The following PBX3 variants were observed in gnomAD, a reference collection of about 807,000 sequenced individuals.
The protein encoded by PBX3 is pre-B-cell leukemia transcription factor 3.
A neutral mutation model predicts 48.5 loss-of-function variants in PBX3; 14 were observed. That is an observed-to-expected ratio of 0.29 (90% CI 0.19 to 0.45). PBX3 has a LOEUF of 0.45. Among genes scored for constraint, PBX3 ranks in the 20% least tolerant of loss-of-function variants. PBX3 has a pLI of 1.00. For missense variants in PBX3, 386 were observed against 546.7 expected (o/e 0.71, Z 2.93); for synonymous variants, 210 against 200.3 (o/e 1.05, Z -0.41).
chr9:125,876,985 G>T (rs1840268912), intron 2 of PBX3, among the ~76,000 whole-genome samples: 1 of 151,862 alleles, frequency 6.6e-6, no homozygotes, highest in Non-Finnish European at 1.5e-5. Flanking sequence ...TATTGGCCAG[G>T]CTGGTCTCGA....
intron 2 of PBX3, among the ~76,000 whole-genome samples, chr9:125,858,789 C>T (rs969254973): frequency 2.0e-5 from 3 of 152,014 alleles, no homozygotes; most frequent in Non-Finnish European, 4.4e-5. Flanking sequence ...CCATGCCCGG[C>T]TAATTTTTGT....
rs573110002 is a variant in PBX3, at chr9:125,804,440, G to A, written c.274+55817G>A. Among the ~76,000 whole-genome samples the A allele has an allele frequency of 2.5e-4, 38 of 152,182 alleles. 1 individual carries two copies. The South Asian group carries it at 3.3e-3, about 13-fold the overall frequency. ...CTGCAAGCATTCTTGTCTGTTTATC[G>A]TAGTGTGCTGTACAAAACCATTTTC... On this transcript the variant is annotated intron_variant, in intron 2 of 8. Coordinates refer to ENST00000373489, the MANE Select transcript of PBX3 (RefSeq NM_006195.6).
intron 2 of PBX3, among the ~76,000 whole-genome samples, chr9:125,815,951 GTCT>G (rs1268655120): frequency 2.0e-5 from 3 of 151,734 alleles, no homozygotes; most frequent in Non-Finnish European, 2.9e-5. Flanking sequence ...TCAAAATCTG[GTCT>G]TCTTCAGCCC....
intron 5 of PBX3, among the ~76,000 whole-genome samples, chr9:125,939,436 T>C (rs1198027475): frequency 6.6e-6 from 1 of 152,214 alleles, no homozygotes; most frequent in East Asian, 1.9e-4. Context: ...ATTTCCTAGA[T>C]TGGCACATTC....
chr9:125,935,693 A>G (rs180814700), intron 5 of PBX3, 86 bp downstream of exon 5: 13 of 1,228,992 alleles, frequency 1.1e-5, no homozygotes, highest in Non-Finnish European at 1.5e-5. Flanking sequence ...CAAATTTCAT[A>G]TCCAAATGTT....
intron 2 of PBX3, among the ~76,000 whole-genome samples, chr9:125,847,267 T>C (rs1003761357): frequency 3.9e-5 from 6 of 152,128 alleles, no homozygotes; most frequent in South Asian, 2.1e-4. Context: ...TTATTTCTTA[T>C]ACTAATTTGT....
intron 2 of PBX3, among the ~76,000 whole-genome samples, chr9:125,793,795 A>G (rs1837693995): frequency 6.6e-6 from 1 of 152,182 alleles, no homozygotes; most frequent in African/African-American, 2.4e-5. Context: ...CATATCCATC[A>G]GGCCTAAAGT....
At chr9:125,789,476 A>G (rs559376948) in intron 2 of PBX3, among the ~76,000 whole-genome samples, 1 of 152,312 alleles carries the variant, frequency 6.6e-6, no homozygotes, top group South Asian at 2.1e-4. Context: ...ATGGCCAGAG[A>G]CATCAGTTCT....
intron 2 of PBX3, among the ~76,000 whole-genome samples, chr9:125,911,067 C>G (rs1332460602): frequency 6.6e-6 from 1 of 152,072 alleles, no homozygotes; most frequent in Non-Finnish European, 1.5e-5. Flanking sequence ...CTCCCAACCC[C>G]AAATACTTTA....
rs1047679291 is a variant in PBX3 at position 125,855,614 on chromosome 9, G to T, written c.275-60072G>T. On this transcript the variant is annotated intron_variant, in intron 2 of 8. Transcript: ENST00000373489. ...ATATCAAAACTATGCTTTTGCTAGG[G>T]CACATTATTACTTTTGGTTAAGTGT... Among the ~76,000 whole-genome samples, 3 of 152,028 alleles carry T rather than the reference G, an allele frequency of 2.0e-5. No individual in the cohort carries two copies. The East Asian group carries it at 5.8e-4, about 29-fold the overall frequency.
chr9:125,869,513 C>G (rs1168862137), intron 2 of PBX3, among the ~76,000 whole-genome samples: 1 of 152,074 alleles, frequency 6.6e-6, no homozygotes, highest in Non-Finnish European at 1.5e-5. Flanking sequence ...AAAAAACATT[C>G]TCTAAATCAG....
rs1842412049 is a variant in PBX3 at position 125,960,802 on chromosome 9, C to T, written c.962C>T (p.Ala321Val). 3 of 1,614,210 alleles carry T rather than the reference C, an allele frequency of 1.9e-6. No homozygotes were observed. Among genetic ancestry groups the T allele is most frequent in the African/African-American group, 2.7e-5 (2 of 75,060 alleles). The change falls in exon 6 of 9, where the codon GCA (alanine) becomes GTA (valine). Residue 321 changes from alanine to valine, a missense_variant. Ala to Val is a moderately conservative substitution (Grantham distance 64). Transcript: ENST00000373489. Reference protein sequence around the residue: ...TAVTAAHAVAAAVQNNQTNSP... With the variant: ...TAVTAAHAVAVAVQNNQTNSP... The stretch of plus-strand genomic sequence containing the variant: ...GTGACAGCTGCACACGCAGTAGCAG[C>T]AGCTGTGCAGAACAACCAGACCAAT...
At chr9:125,909,085 A>T (rs1841143873) in intron 2 of PBX3, among the ~76,000 whole-genome samples, 1 of 152,138 alleles carries the variant, frequency 6.6e-6, no homozygotes, top group African/African-American at 2.4e-5. Flanking sequence ...GCTCCATTTA[A>T]CAAAAAAGTG....
At chr9:125,877,567 T>C (rs1438736594) in intron 2 of PBX3, among the ~76,000 whole-genome samples, 2 of 152,204 alleles carry the variant, frequency 1.3e-5, no homozygotes, top group African/African-American at 4.8e-5. Context: ...TTTACTAATA[T>C]ATTCTATTTT....
At chr9:125,963,201 G>T (rs1482207600) in intron 8 of PBX3, 100 bp downstream of exon 8, 3 of 591,362 alleles carry the variant, frequency 5.1e-6, no homozygotes, top group African/African-American at 3.7e-5. Flanking sequence ...CATCTTCTTG[G>T]CAGGTAGGGA....
At chr9:125,778,947 C>T (rs1837158106) in intron 2 of PBX3, among the ~76,000 whole-genome samples, 1 of 133,018 alleles carries the variant, frequency 7.5e-6, no homozygotes, top group Admixed American at 7.9e-5. Context: ...GTGTATAATT[C>T]ACATTAATTA....
At chr9:125,763,607 G>A (rs1024585207) in intron 2 of PBX3, among the ~76,000 whole-genome samples, 3 of 152,234 alleles carry the variant, frequency 2.0e-5, no homozygotes, top group Admixed American at 1.3e-4. Context: ...TCTGCTCAGT[G>A]TAGGGAAACT....
intron 2 of PBX3, among the ~76,000 whole-genome samples, chr9:125,878,683 G>A (rs1048785089): frequency 3.9e-5 from 6 of 152,192 alleles, no homozygotes; most frequent in African/African-American, 9.6e-5. Flanking sequence ...AACTCATTTG[G>A]ATGCTGATGA....
At chr9:125,943,323 C>G (rs1183045488) in intron 5 of PBX3, among the ~76,000 whole-genome samples, 3 of 115,626 alleles carry the variant, frequency 2.6e-5, no homozygotes, top group Non-Finnish European at 4.9e-5. Flanking sequence ...CCATTGCACT[C>G]CAGCTTGGGC....
Sources: allele counts gnomAD v4.1 joint callset (sites outside exome capture counted in the v4.1 genomes callset), GRCh38; gene constraint gnomAD v4.1.1; transcripts MANE v1.5; gene names NCBI Gene and HGNC (gene_info 2026-07-23, HGNC 2026-07-21).